STXBP5L: variants seen among roughly 807,000 people sequenced by gnomAD.
The protein encoded by STXBP5L is syntaxin binding protein 5L, also known as syntaxin-binding protein 5-like.
A neutral mutation model predicts 144.5 loss-of-function variants in STXBP5L; 65 were observed. That is an observed-to-expected ratio of 0.45 (90% CI 0.37 to 0.55). STXBP5L has a LOEUF of 0.55. STXBP5L is among the 20% of genes least tolerant of loss of function. STXBP5L has a pLI of 0.00. For synonymous variants in STXBP5L, 505 were observed against 469.6 expected (o/e 1.08, Z -0.97); for missense variants, 1,298 against 1,405.5 (o/e 0.92, Z 1.22).
chr3:121,221,602 C>G (rs1417946341), intron 10 of STXBP5L, among the ~76,000 whole-genome samples: 1 of 151,114 alleles, frequency 6.6e-6, no homozygotes, highest in Non-Finnish European at 1.5e-5. Flanking sequence ...ATTAGAAATG[C>G]TTTTTAAATC....
At chr3:121,369,591 A>G (rs2108657092) in intron 20 of STXBP5L, among the ~76,000 whole-genome samples, 1 of 150,920 alleles carries the variant, frequency 6.6e-6, no homozygotes, top group East Asian at 2.0e-4. Context: ...TTTTTTTTTC[A>G]TGTTCCTTGA....
chr3:121,331,054 G>C (rs552808400), intron 20 of STXBP5L, among the ~76,000 whole-genome samples: 15 of 152,336 alleles, frequency 9.8e-5, no homozygotes, highest in African/African-American at 2.9e-4. Context: ...ACCCAGAAGA[G>C]CAGCATTCAC....
At chr3:121,037,013 A>G (rs1197220694) in intron 3 of STXBP5L, among the ~76,000 whole-genome samples, 2 of 151,934 alleles carry the variant, frequency 1.3e-5, no homozygotes, top group Non-Finnish European at 2.9e-5. Flanking sequence ...TAAAGCCTCA[A>G]ACTCCTGGGC....
chr3:121,392,557 T>A (rs1227484393), intron 22 of STXBP5L, among the ~76,000 whole-genome samples: 1 of 152,002 alleles, frequency 6.6e-6, no homozygotes, highest in African/African-American at 2.4e-5. Flanking sequence ...GTCTTTACAT[T>A]CTTTTATATA....
At chr3:121,112,751 C>T (rs1300783666) in intron 5 of STXBP5L, among the ~76,000 whole-genome samples, 1 of 151,736 alleles carries the variant, frequency 6.6e-6, no homozygotes, top group Non-Finnish European at 1.5e-5. Flanking sequence ...ATTATTTTTC[C>T]AAGGCTTACA....
At chr3:121,115,432 T>C (rs1219966556) in intron 6 of STXBP5L, among the ~76,000 whole-genome samples, 1 of 152,180 alleles carries the variant, frequency 6.6e-6, no homozygotes, top group African/African-American at 2.4e-5. Flanking sequence ...TTAATGCTTG[T>C]AGCTTGTTCT....
chr3:121,282,208 C>G (rs2051083060), intron 19 of STXBP5L: 1 of 1,548,862 alleles, frequency 6.5e-7, no homozygotes, highest in Non-Finnish European at 8.9e-7. Context: ...TCACTTTAGA[C>G]TTTTTTTTCT....
intron 9 of STXBP5L, among the ~76,000 whole-genome samples, chr3:121,167,595 A>T (rs2046545972): frequency 6.6e-6 from 1 of 152,052 alleles, no homozygotes; most frequent in African/African-American, 2.4e-5. Context: ...TCCTTAACTC[A>T]GCAAAACATC....
chr3:121,024,600 C>T (rs1008447405), intron 3 of STXBP5L, among the ~76,000 whole-genome samples: 2 of 152,120 alleles, frequency 1.3e-5, no homozygotes, highest in Admixed American at 6.6e-5. Flanking sequence ...TGTGAAGCCC[C>T]ATGCAGGTAA....
intron 22 of STXBP5L, among the ~76,000 whole-genome samples, chr3:121,406,322 T>C (rs2046992838): frequency 1.3e-5 from 2 of 152,108 alleles, no homozygotes; most frequent in East Asian, 1.9e-4. Context: ...TAAATGAATA[T>C]ACTTTTATCT....
chr3:121,065,375 A>AT (rs1452294396), intron 5 of STXBP5L, among the ~76,000 whole-genome samples: 2 of 152,100 alleles, frequency 1.3e-5, no homozygotes, highest in African/African-American at 4.8e-5. Flanking sequence ...ATATATATTC[A>AT]TACATATTTA....
chr3:120,918,098 C>T (rs954487385), intron 2 of STXBP5L, among the ~76,000 whole-genome samples: 11 of 152,310 alleles, frequency 7.2e-5, no homozygotes, highest in African/African-American at 2.4e-4. Context: ...CCCCTCCCAT[C>T]TTCAAAACCA....
intron 20 of STXBP5L, among the ~76,000 whole-genome samples, chr3:121,362,366 C>A (rs775949390): frequency 7.7e-4 from 117 of 152,336 alleles, no homozygotes; most frequent in Middle Eastern, 3.4e-3. Flanking sequence ...GTGTCCTTCT[C>A]TTCAAGGGTG....
At chr3:121,185,724 G>A (rs1421135691) in intron 9 of STXBP5L, among the ~76,000 whole-genome samples, 1 of 152,162 alleles carries the variant, frequency 6.6e-6, no homozygotes, top group Non-Finnish European at 1.5e-5. Context: ...TTCAAAGTCA[G>A]GTAGCATGAT....
At chr3:121,358,221 T>A (rs2045591646) in intron 20 of STXBP5L, among the ~76,000 whole-genome samples, 1 of 152,116 alleles carries the variant, frequency 6.6e-6, no homozygotes, top group African/African-American at 2.4e-5. Context: ...TCTTTCTAAT[T>A]TTTTCTACCC....
At chr3:120,964,008 T>C (rs1299455291) in intron 3 of STXBP5L, among the ~76,000 whole-genome samples, 1 of 152,230 alleles carries the variant, frequency 6.6e-6, no homozygotes, top group Non-Finnish European at 1.5e-5. Flanking sequence ...TGCGAGGGTG[T>C]ATGTGTCGAG....
chr3:121,263,178 G>A (rs2050441350), intron 18 of STXBP5L, among the ~76,000 whole-genome samples: 1 of 152,158 alleles, frequency 6.6e-6, no homozygotes, highest in African/African-American at 2.4e-5. Flanking sequence ...AGGCAAACAG[G>A]TTCTGGAGTG....
At chr3:121,099,026 T>C (rs1204917142) in intron 5 of STXBP5L, 1 of 152,156 alleles carries the variant, frequency 6.6e-6, no homozygotes, top group East Asian at 1.9e-4. Flanking sequence ...CCTCTATCTA[T>C]ATACATTCGT....
Position 121,368,588 on chromosome 3 carries a change from T to C in STXBP5L, c.2177-10128T>C, listed in dbSNP as rs367943580. 5.9e-5 allele frequency among the ~76,000 whole-genome samples: 9 copies of C among 152,298 alleles called. 1 individual carries two copies. Among genetic ancestry groups the C allele is most frequent in the African/African-American group, 1.9e-4 (8 of 41,574 alleles). On this transcript the variant is annotated intron_variant, in intron 20 of 26. Transcript: ENST00000471454. The stretch of plus-strand genomic sequence containing the variant: ...AAGGGAACTTTTTAATTTAATAATG[T>C]AATAACTCTGGAAATCATATTTGCT...
Sources: allele counts gnomAD v4.1 joint callset (sites outside exome capture counted in the v4.1 genomes callset), GRCh38; gene constraint gnomAD v4.1.1; transcripts MANE v1.5; gene names NCBI Gene and HGNC (gene_info 2026-07-23, HGNC 2026-07-21).